Variants in IP6K1 observed in about 807,000 individuals in gnomAD.
IP6K1 encodes the protein inositol hexakisphosphate kinase 1.
A neutral mutation model predicts 38.3 loss-of-function variants in IP6K1; 13 were observed. The observed-to-expected ratio is 0.34, with a 90% CI of 0.22 to 0.54. The LOEUF is 0.54. Among genes scored for constraint, IP6K1 ranks in the 20% least tolerant of loss-of-function variants. The pLI, the probability that IP6K1 is intolerant of heterozygous loss-of-function variation, is 0.92. For synonymous variants in IP6K1, 212 were observed against 229.9 expected, an observed-to-expected ratio of 0.92 and a Z score of 0.70; for missense variants, 397 against 599.8, an observed-to-expected ratio of 0.66 and a Z score of 3.53.
At chr3:49,745,943 G>A (rs2108235524) in intron 2 of IP6K1, among the ~76,000 whole-genome samples, 1 of 151,500 alleles carries the variant, frequency 6.6e-6, no homozygotes, top group East Asian at 1.9e-4. Context: ...TATACCAACA[G>A]ACAATAACAA....
intron 1 of IP6K1, among the ~76,000 whole-genome samples, chr3:49,765,335 A>G (rs1375937881): frequency 6.6e-6 from 1 of 152,118 alleles, no homozygotes; most frequent in East Asian, 1.9e-4. Flanking sequence ...GGGTAACTAC[A>G]TAAGTAAACA....
intron 4 of IP6K1, 128 bp downstream of exon 4, chr3:49,732,663 T>G: frequency 3.2e-6 from 2 of 625,870 alleles, no homozygotes; most frequent in East Asian, 3.0e-5. Context: ...GGAAGAGGAG[T>G]CCATGAAAAA....
intron 1 of IP6K1, among the ~76,000 whole-genome samples, chr3:49,778,362 G>A (rs1222847953): frequency 2.0e-5 from 3 of 151,800 alleles, no homozygotes; most frequent in Non-Finnish European, 4.4e-5. Flanking sequence ...GCAAGGTGTG[G>A]TGGCTCATGC....
chr3:49,756,787 C>T (rs1184268609), intron 1 of IP6K1, among the ~76,000 whole-genome samples: 2 of 142,050 alleles, frequency 1.4e-5, no homozygotes, highest in African/African-American at 5.4e-5. Flanking sequence ...TGCACTCCAG[C>T]GCCTGGGCAA....
intron 1 of IP6K1, among the ~76,000 whole-genome samples, chr3:49,754,368 C>A (rs529659646): frequency 1.6e-5 from 2 of 121,408 alleles, no homozygotes; most frequent in South Asian, 6.3e-4. Flanking sequence ...AGATTCAGAT[C>A]TTGTCTCAGG....
chr3:49,759,755 T>C (rs1023821338), intron 1 of IP6K1, among the ~76,000 whole-genome samples: 1 of 152,146 alleles, frequency 6.6e-6, no homozygotes, highest in Non-Finnish European at 1.5e-5. Context: ...TGGAAATTAG[T>C]AGACTATGTG....
chr3:49,757,170 C>A (rs2080830768), intron 1 of IP6K1, among the ~76,000 whole-genome samples: 1 of 152,218 alleles, frequency 6.6e-6, no homozygotes, highest in African/African-American at 2.4e-5. Context: ...AAGACCAAAG[C>A]TGAAGAGAGA....
intron 3 of IP6K1, among the ~76,000 whole-genome samples, chr3:49,737,398 AATTTG>A (rs2080622494): frequency 1.3e-5 from 2 of 152,188 alleles, no homozygotes; most frequent in Admixed American, 1.3e-4. Flanking sequence ...CAAGACACAT[AATTTG>A]AGGCTGGTAC....
intron 1 of IP6K1, among the ~76,000 whole-genome samples, chr3:49,763,121 T>C (rs2080881186): frequency 6.8e-6 from 1 of 148,008 alleles, no homozygotes; most frequent in Admixed American, 6.7e-5. Context: ...TTTTTTTTTT[T>C]GAGACGGAGT....
chr3:49,774,011 ACACACAC>A (rs1264990910), intron 1 of IP6K1, among the ~76,000 whole-genome samples: 41 of 143,050 alleles, frequency 2.9e-4, no homozygotes, highest in Middle Eastern at 3.7e-3. Context: ...ACACACACAC[ACACACAC>A]AACACACACA....
intron 1 of IP6K1, among the ~76,000 whole-genome samples, chr3:49,772,408 C>T (rs9870755): frequency 0.18 from 27,063 of 149,988 alleles, 2,793 homozygotes; most frequent in African/African-American, 0.26. Flanking sequence ...TATTCTAGAG[C>T]GTTCTCTTTT....
intron 1 of IP6K1, among the ~76,000 whole-genome samples, chr3:49,778,450 C>T (rs1308607936): frequency 6.6e-6 from 1 of 151,742 alleles, no homozygotes; most frequent in Admixed American, 6.6e-5. Context: ...CTGGCCAACA[C>T]GGTGAAACTT....
At chr3:49,740,628 G>C (rs1047392225) in intron 2 of IP6K1, among the ~76,000 whole-genome samples, 6 of 152,008 alleles carry the variant, frequency 3.9e-5, no homozygotes, top group African/African-American at 1.5e-4. Context: ...GTCTGGCTTA[G>C]TTCACTTAGC....
intron 1 of IP6K1, among the ~76,000 whole-genome samples, chr3:49,773,506 G>A (rs185605340): frequency 6.6e-6 from 1 of 152,160 alleles, no homozygotes; most frequent in Non-Finnish European, 1.5e-5. Flanking sequence ...AGCTACTTAG[G>A]AGGCTGAGGC....
At chr3:49,728,314 AC>A (rs1285393415) in intron 4 of IP6K1, 36 bp from the exon 5 acceptor site, 15 of 1,597,520 alleles carry the variant, frequency 9.4e-6, no homozygotes, top group Non-Finnish European at 1.3e-5. Context: ...AACCACACTC[AC>A]CATCAGCCCC....
chr3:49,779,586 C>T (rs2081047475), intron 1 of IP6K1, among the ~76,000 whole-genome samples: 1 of 152,162 alleles, frequency 6.6e-6, no homozygotes, highest in African/African-American at 2.4e-5. Context: ...TATGAGGTCT[C>T]TAATTTCTCC....
At chr3:49,737,985 C>T (rs2080628457) in intron 3 of IP6K1, among the ~76,000 whole-genome samples, 2 of 152,210 alleles carry the variant, frequency 1.3e-5, no homozygotes, top group Admixed American at 1.3e-4. Flanking sequence ...TGCTTCCAAA[C>T]GGCTGAGAGA....
chr3:49,750,703 G>GA (rs1296162059), intron 1 of IP6K1, among the ~76,000 whole-genome samples: 1,449 of 137,890 alleles, frequency 0.011, 7 homozygotes, highest in Middle Eastern at 0.019. Flanking sequence ...CCTCAAAAAA[G>GA]AAAAAAAAAA....
At chr3:49,730,728 T>C (rs974711433) in intron 4 of IP6K1, among the ~76,000 whole-genome samples, 1 of 152,092 alleles carries the variant, frequency 6.6e-6, no homozygotes, top group Non-Finnish European at 1.5e-5. Context: ...TTGTATTTTT[T>C]TTTTTGAGAT....
Sources: allele counts gnomAD v4.1 joint callset (sites outside exome capture counted in the v4.1 genomes callset), GRCh38; gene constraint gnomAD v4.1.1; transcripts MANE v1.5; gene names NCBI Gene and HGNC (gene_info 2026-07-23, HGNC 2026-07-21).